Variants in GRID2 observed in about 807,000 individuals in gnomAD.
The protein encoded by GRID2 is glutamate receptor ionotropic, delta-2.
Under a neutral mutation model 114.8 loss-of-function variants are expected in GRID2, and 33 were observed. That is an observed-to-expected ratio of 0.29 (90% CI 0.22 to 0.38). The LOEUF (loss-of-function observed/expected upper bound fraction) is 0.38, where lower values mean the gene tolerates loss of function less well. Ranked by LOEUF, GRID2 falls within the 10% of genes least tolerant of loss-of-function variation. The probability of loss-of-function intolerance (pLI) is 1.00; values close to 1 mark genes in which losing one functional copy is unlikely to be tolerated. For synonymous variants in GRID2, 505 were observed against 449.9 expected, an observed-to-expected ratio of 1.12 and a Z score of -1.55; for missense variants, 1,184 against 1,257.7, an observed-to-expected ratio of 0.94 and a Z score of 0.89.
intron 8 of GRID2, among the ~76,000 whole-genome samples, chr4:93,283,840 C>T (rs1226384823): frequency 6.6e-6 from 1 of 152,090 alleles, no homozygotes; most frequent in Non-Finnish European, 1.5e-5. Context: ...AAAACAAATA[C>T]ATTCCAGTGG....
chr4:93,319,022 A>G (rs779088564), intron 8 of GRID2: 10 of 152,108 alleles, frequency 6.6e-5, no homozygotes, highest in African/African-American at 9.7e-5. Flanking sequence ...AAATACTCCA[A>G]TCGTAATAGT....
chr4:93,078,740 C>A (rs145206115), intron 2 of GRID2, among the ~76,000 whole-genome samples: 2,646 of 137,730 alleles, frequency 0.019, 45 homozygotes, highest in Non-Finnish European at 0.03. Flanking sequence ...TATTTATATA[C>A]TGTATATACT....
rs1305720103 is a variant in GRID2, at chr4:93,424,711, G to T, written c.1545+1743G>T. Reference sequence around the variant, plus strand: ...GAGAGTTCACTAAACTTCTGGGATAGGTTACATTTAGTAAATATAGAGAAT... The same window carrying T: ...GAGAGTTCACTAAACTTCTGGGATATGTTACATTTAGTAAATATAGAGAAT... On this transcript the variant is annotated intron_variant, in intron 10 of 15. Coordinates refer to ENST00000282020, the MANE Select transcript of GRID2 (RefSeq NM_001510.4). Among the ~76,000 whole-genome samples the T allele has an allele frequency of 2.6e-5, 4 of 152,182 alleles. No individual in the cohort carries two copies. The East Asian group carries it at 7.7e-4, about 29-fold the overall frequency.
intron 9 of GRID2, among the ~76,000 whole-genome samples, chr4:93,396,813 G>T (rs1215451360): frequency 2.0e-5 from 3 of 151,952 alleles, no homozygotes; most frequent in East Asian, 3.9e-4. Flanking sequence ...ACTCAAATGG[G>T]CTCTGTCTAA....
intron 2 of GRID2, among the ~76,000 whole-genome samples, chr4:92,652,880 AAAT>A (rs1732019869): frequency 1.0e-5 from 1 of 97,806 alleles, no homozygotes; most frequent in Non-Finnish European, 2.2e-5. Flanking sequence ...AAATATATAA[AAAT>A]ATATTTATAA....
intron 8 of GRID2, among the ~76,000 whole-genome samples, chr4:93,297,079 C>A (rs1221924020): frequency 2.0e-5 from 3 of 152,110 alleles, no homozygotes; most frequent in Admixed American, 6.5e-5. Context: ...CTATGGCATA[C>A]ATTATAAAAA....
chr4:92,520,813 C>G (rs1724732200), intron 1 of GRID2, among the ~76,000 whole-genome samples: 3 of 151,868 alleles, frequency 2.0e-5, no homozygotes, highest in Admixed American at 2.0e-4. Context: ...CATTGTGTCT[C>G]AATCAACATA....
intron 2 of GRID2, among the ~76,000 whole-genome samples, chr4:92,812,166 G>A (rs1387862326): frequency 6.6e-6 from 1 of 152,122 alleles, no homozygotes; most frequent in Non-Finnish European, 1.5e-5. Context: ...ATAAATATGT[G>A]AAGATCTTTA....
intron 1 of GRID2, among the ~76,000 whole-genome samples, chr4:92,516,909 TTTA>T (rs1724528785): frequency 6.6e-6 from 1 of 151,946 alleles, no homozygotes; most frequent in African/African-American, 2.4e-5. Flanking sequence ...TTCTATGGAT[TTTA>T]TTATTTATAA....
At chr4:93,274,633 T>C (rs1468545005) in intron 8 of GRID2, among the ~76,000 whole-genome samples, 1 of 152,072 alleles carries the variant, frequency 6.6e-6, no homozygotes, top group Non-Finnish European at 1.5e-5. Flanking sequence ...AGAGACTATA[T>C]CTTCTTGTTT....
chr4:93,593,269 G>T (rs1296452568), intron 13 of GRID2, among the ~76,000 whole-genome samples: 2 of 145,134 alleles, frequency 1.4e-5, no homozygotes, highest in African/African-American at 5.0e-5. Context: ...AAATCTTTCA[G>T]CATTTGCTTG....
intron 2 of GRID2, among the ~76,000 whole-genome samples, chr4:92,962,595 T>C (rs1227594687): frequency 6.6e-6 from 1 of 151,972 alleles, no homozygotes; most frequent in Non-Finnish European, 1.5e-5. Flanking sequence ...GGGACAGACA[T>C]TGTGAAGAAG....
chr4:92,485,301 C>CATATATATATATAT (rs34583484), intron 1 of GRID2, among the ~76,000 whole-genome samples: 3 of 56,566 alleles, frequency 5.3e-5, no homozygotes, highest in African/African-American at 8.9e-5. Flanking sequence ...AAGGTGTGTG[C>CATATATATATATAT]ATATATATAT....
chr4:93,248,800 G>A (rs867089427), intron 8 of GRID2, among the ~76,000 whole-genome samples: 4 of 152,250 alleles, frequency 2.6e-5, no homozygotes, highest in South Asian at 4.1e-4. Context: ...AATTGGAATT[G>A]TAATAATGGC....
chr4:92,596,339 C>T (rs1475214894), intron 2 of GRID2, among the ~76,000 whole-genome samples: 1 of 152,022 alleles, frequency 6.6e-6, no homozygotes, highest in Non-Finnish European at 1.5e-5. Context: ...ATGTCTATCC[C>T]AGTGCTCTGG....
intron 11 of GRID2, among the ~76,000 whole-genome samples, chr4:93,472,449 A>G (rs1006084207): frequency 6.6e-5 from 10 of 152,224 alleles, no homozygotes; most frequent in African/African-American, 2.4e-4. Context: ...CTGAATATAT[A>G]GTTCCTTTAT....
At position 93,312,450 on chromosome 4, in the gene GRID2, T is replaced by C. The variant is rs2149190562; in HGVS notation, c.1245+73960T>C. ...AAACTTTTGACCTGGAGCTCATTAG[T>C]GCAATGAAGCATTCAAGTGAACTAG... On this transcript the variant is annotated intron_variant, in intron 8 of 15. Transcript: ENST00000282020. 2.0e-5 allele frequency among the ~76,000 whole-genome samples: 3 copies of C among 152,258 alleles called. No homozygotes were observed. In the South Asian group the frequency reaches 6.2e-4, roughly 32 times the overall value.
chr4:93,563,857 T>C (rs757587210), intron 13 of GRID2, among the ~76,000 whole-genome samples: 4 of 152,008 alleles, frequency 2.6e-5, no homozygotes, highest in African/African-American at 4.8e-5. Flanking sequence ...CATTTACTAT[T>C]TATTGTAGTG....
chr4:93,262,782 T>C (rs1356747435), intron 8 of GRID2, among the ~76,000 whole-genome samples: 1 of 150,928 alleles, frequency 6.6e-6, no homozygotes, highest in East Asian at 1.9e-4. Flanking sequence ...GCCTTTTCCA[T>C]TTTTGCCCTT....
Sources: gnomAD v4.1 joint callset for allele counts (sites outside exome capture counted in the v4.1 genomes callset) on GRCh38, gnomAD v4.1.1 for gene constraint, MANE v1.5 for transcripts, NCBI Gene and HGNC (gene_info 2026-07-23, HGNC 2026-07-21) for gene names.